The following KLF12 variants were observed in gnomAD, a reference collection of about 807,000 sequenced individuals.
KLF12 encodes KLF transcription factor 12.
In KLF12, 9 loss-of-function variants were observed where a neutral mutation model predicts 37.8. The observed-to-expected ratio is 0.24, with a 90% CI of 0.14 to 0.42. The LOEUF (loss-of-function observed/expected upper bound fraction) is 0.42, where lower values mean the gene tolerates loss of function less well. KLF12 is among the 10% of genes least tolerant of loss of function. The pLI is 1.00. For synonymous variants in KLF12, 208 were observed against 202.1 expected, an observed-to-expected ratio of 1.03 and a Z score of -0.25; for missense variants, 411 against 516.0, an observed-to-expected ratio of 0.80 and a Z score of 1.97.
chr13:74,094,156 T>C (rs905926177), intron 1 of KLF12, among the ~76,000 whole-genome samples: 1 of 152,180 alleles, frequency 6.6e-6, no homozygotes, highest in African/African-American at 2.4e-5. Context: ...ATCTGTCATA[T>C]ACATGCACAA....
chr13:74,129,184 T>A (rs549355476), intron 1 of KLF12, among the ~76,000 whole-genome samples: 27 of 152,356 alleles, frequency 1.8e-4, no homozygotes, highest in African/African-American at 6.5e-4. Context: ...TCCTACATAC[T>A]TTAAATCATC....
In KLF12 at chr13:73,943,972, T is replaced by C. The variant is rs1286397349; in HGVS notation, c.123+9A>G. ...AAGGAGTGGGGCATTGCTGGAAACTTGTGCTTACCCCTTGTTCAGATTCCA... is the reference window on the plus strand; with the variant it reads ...AAGGAGTGGGGCATTGCTGGAAACTCGTGCTTACCCCTTGTTCAGATTCCA... On this transcript the variant is annotated intron_variant, in intron 3 of 7. Coordinates refer to ENST00000377669, the MANE Select transcript of KLF12 (RefSeq NM_007249.5). The C allele has an allele frequency of 6.3e-7, 1 of 1,588,210 alleles. No homozygotes were observed. The highest frequency in any genetic ancestry group is 8.6e-7 in the Non-Finnish European group (1 of 1,157,410).
the KLF12 span, among the ~76,000 whole-genome samples, chr13:74,202,544 A>G: frequency 0.032 from 4,820 of 152,188 alleles, 113 homozygotes; most frequent in Middle Eastern, 0.071. Context: ...TTATTTATGT[A>G]TACTTGTGTG....
At chr13:74,116,125 A>C (rs1877289421) in intron 1 of KLF12, among the ~76,000 whole-genome samples, 1 of 152,204 alleles carries the variant, frequency 6.6e-6, no homozygotes, top group South Asian at 2.1e-4. Flanking sequence ...AGGAAAACTT[A>C]ATTTCTTCCC....
chr13:74,269,105 G>A, the KLF12 span, among the ~76,000 whole-genome samples: 1 of 152,140 alleles, frequency 6.6e-6, no homozygotes, highest in Non-Finnish European at 1.5e-5. Context: ...GATCATCTAA[G>A]ACTTAGAATT....
At chr13:74,212,042 G>A in the KLF12 span, among the ~76,000 whole-genome samples, 1 of 152,122 alleles carries the variant, frequency 6.6e-6, no homozygotes, top group African/African-American at 2.4e-5. Flanking sequence ...TTTCAAAGTG[G>A]AGTGAAAAAT....
At chr13:73,890,393 G>A (rs1887446150) in intron 3 of KLF12, among the ~76,000 whole-genome samples, 1 of 152,004 alleles carries the variant, frequency 6.6e-6, no homozygotes, top group East Asian at 1.9e-4. Flanking sequence ...AACAGACATT[G>A]ATATCAGGAT....
intron 3 of KLF12, among the ~76,000 whole-genome samples, chr13:73,891,898 G>A (rs749569713): frequency 3.3e-5 from 5 of 152,102 alleles, no homozygotes; most frequent in East Asian, 1.9e-4. Context: ...AATTATCTCC[G>A]AACAAAAAGT....
the KLF12 span, among the ~76,000 whole-genome samples, chr13:74,166,444 G>C: frequency 4.6e-5 from 7 of 152,056 alleles, no homozygotes; most frequent in African/African-American, 1.4e-4. Flanking sequence ...CAAATGGAAT[G>C]CTCTATCTAA....
the KLF12 span, among the ~76,000 whole-genome samples, chr13:74,155,762 C>T: frequency 1.3e-5 from 2 of 152,138 alleles, no homozygotes; most frequent in African/African-American, 2.4e-5. Context: ...TTAAATCTTC[C>T]GCTGGTGATA....
At chr13:73,799,430 AT>A (rs1484304099) in intron 5 of KLF12, among the ~76,000 whole-genome samples, 2 of 152,014 alleles carry the variant, frequency 1.3e-5, no homozygotes, top group African/African-American at 4.8e-5. Flanking sequence ...GAAAAAATAT[AT>A]ATATATTTTT....
At chr13:73,832,390 A>G (rs1480753779) in intron 4 of KLF12, among the ~76,000 whole-genome samples, 1 of 152,186 alleles carries the variant, frequency 6.6e-6, no homozygotes, top group Non-Finnish European at 1.5e-5. Context: ...TTTACAACCT[A>G]GGCCTCTAGA....
At chr13:74,047,953 T>C (rs1893590299) in intron 1 of KLF12, among the ~76,000 whole-genome samples, 1 of 152,200 alleles carries the variant, frequency 6.6e-6, no homozygotes, top group African/African-American at 2.4e-5. Context: ...AGTCAGGCAG[T>C]CAAGGGTATG....
the KLF12 span, among the ~76,000 whole-genome samples, chr13:74,213,388 C>CT: frequency 2.0e-5 from 3 of 151,980 alleles, no homozygotes; most frequent in African/African-American, 2.4e-5. Flanking sequence ...TCAGGAAGCT[C>CT]TTTTTTAACA....
chr13:74,112,384 TTGTCTGTGTGTGTG>T (rs1389503336), intron 1 of KLF12, among the ~76,000 whole-genome samples: 2 of 145,164 alleles, frequency 1.4e-5, no homozygotes, highest in Non-Finnish European at 3.0e-5. Context: ...TTTGCAGATA[TTGTCTGTGTGTGTG>T]TGTGTGTGTG....
chr13:74,032,105 T>TA (rs1893131112), intron 1 of KLF12, among the ~76,000 whole-genome samples: 2 of 152,122 alleles, frequency 1.3e-5, no homozygotes, highest in Admixed American at 1.3e-4. Context: ...ATTTTTCACG[T>TA]AAAAATCCAT....
intron 1 of KLF12, among the ~76,000 whole-genome samples, chr13:74,074,403 G>A (rs1032253235): frequency 3.2e-4 from 49 of 152,052 alleles, no homozygotes; most frequent in East Asian, 1.9e-4. Flanking sequence ...AAGGTCTCCT[G>A]GGACAGCCTT....
chr13:74,151,830 A>G, the KLF12 span, among the ~76,000 whole-genome samples: 1 of 152,320 alleles, frequency 6.6e-6, no homozygotes, highest in South Asian at 2.1e-4. Context: ...AATGACATTA[A>G]GAATAAAGAT....
the KLF12 span, among the ~76,000 whole-genome samples, chr13:74,252,470 T>C: frequency 2.5e-4 from 38 of 152,334 alleles, no homozygotes; most frequent in Admixed American, 2.4e-3. Context: ...ACCCTATCAC[T>C]GTCACTAACT....
Sources: gnomAD v4.1 joint callset for allele counts (sites outside exome capture counted in the v4.1 genomes callset) on GRCh38, gnomAD v4.1.1 for gene constraint, MANE v1.5 for transcripts, NCBI Gene and HGNC (gene_info 2026-07-23, HGNC 2026-07-21) for gene names.